The following LMO7 variants were observed in gnomAD, a reference collection of about 807,000 sequenced individuals.
LMO7 encodes LIM domain only protein 7.
A neutral mutation model predicts 206.5 loss-of-function variants in LMO7; 120 were observed. The observed-to-expected ratio is 0.58, with a 90% confidence interval of 0.50 to 0.68. LMO7 has a LOEUF of 0.68. Among genes scored for constraint, LMO7 ranks in the 30% least tolerant of loss-of-function variants. LMO7 has a pLI of 0.00. For missense variants in LMO7, 1,959 were observed against 1,957.9 expected (o/e 1.00, Z -0.01); for synonymous variants, 706 against 681.5 (o/e 1.04, Z -0.56).
chr13:75,819,349 A>G (rs1256793273), intron 12 of LMO7, 44 bp from the exon 13 acceptor site: 2 of 1,551,230 alleles, frequency 1.3e-6, no homozygotes, highest in Admixed American at 2.1e-5. Flanking sequence ...GAAAGGGTGT[A>G]TAGAAATTCA....
intron 2 of LMO7, among the ~76,000 whole-genome samples, chr13:75,723,002 T>A (rs577997435): frequency 2.1e-4 from 32 of 152,080 alleles, no homozygotes; most frequent in Non-Finnish European, 4.4e-4. Flanking sequence ...TACATTGGAC[T>A]TTGGGGACTC....
Position 75,858,136 on chromosome 13 carries a change from G to T in LMO7, c.*193G>T. ...CAGTATTTTTGTTGTTTATTTATAA[G>T]GTAATTGTGTGTGGGGAAAAGTGCA... is the stretch of plus-strand genomic sequence containing the variant. On this transcript the variant is annotated 3_prime_UTR_variant, in exon 31 of 31. Coordinates refer to ENST00000377534, the MANE Select transcript of LMO7 (RefSeq NM_001306080.2). The T allele has an allele frequency of 2.0e-6, 1 of 506,118 alleles. No homozygotes were observed. 31.4% of individuals were successfully genotyped at this position (506,118 alleles called of 1,614,324 possible).
intron 11 of LMO7, among the ~76,000 whole-genome samples, chr13:75,815,440 T>G (rs963772264): frequency 1.3e-5 from 2 of 152,110 alleles, no homozygotes; most frequent in African/African-American, 4.8e-5. Context: ...TTGTGAAGGA[T>G]AGAGGTGACC....
At chr13:75,648,730 A>T (rs779923117) in intron 1 of LMO7, among the ~76,000 whole-genome samples, 7 of 152,218 alleles carry the variant, frequency 4.6e-5, no homozygotes, top group Admixed American at 6.5e-5. Context: ...GTGGTGAGGA[A>T]GGGAACAATA....
intron 15 of LMO7, among the ~76,000 whole-genome samples, chr13:75,826,280 G>A (rs958612552): frequency 1.3e-5 from 2 of 151,994 alleles, no homozygotes; most frequent in African/African-American, 2.4e-5. Context: ...GGGCTCAAAC[G>A]ATCCATCCAT....
chr13:75,857,892 TTTTC>T, intron 30 of LMO7, 25 bp from the exon 31 acceptor site: 1 of 1,551,070 alleles, frequency 6.4e-7, no homozygotes. Flanking sequence ...ATCTAAGCAC[TTTTC>T]TTTCTTTTCT....
intron 1 of LMO7, among the ~76,000 whole-genome samples, chr13:75,647,969 T>TTTTTTG (rs2037201174): frequency 1.3e-5 from 2 of 148,670 alleles, no homozygotes; most frequent in Non-Finnish European, 3.0e-5. Context: ...TTTTTTTTTT[T>TTTTTTG]GAGACAGGGT....
chr13:75,766,921 G>A (rs1037394709), intron 4 of LMO7, among the ~76,000 whole-genome samples: 1 of 152,008 alleles, frequency 6.6e-6, no homozygotes, highest in Non-Finnish European at 1.5e-5. Context: ...CTTAATCTTT[G>A]CCAACTCATC....
At chr13:75,857,351 A>T (rs2061043751) in intron 30 of LMO7, 2 of 152,238 alleles carry the variant, frequency 1.3e-5, no homozygotes, top group African/African-American at 4.8e-5. Flanking sequence ...AGGGTGTTAC[A>T]AGTGGTATCA....
At chr13:75,784,087 T>C (rs1026405381) in intron 4 of LMO7, among the ~76,000 whole-genome samples, 1 of 152,130 alleles carries the variant, frequency 6.6e-6, no homozygotes, top group Admixed American at 6.6e-5. Flanking sequence ...CTGATTTTCA[T>C]GCCTGGGGCC....
At chr13:75,733,340 C>G (rs937674157) in intron 3 of LMO7, among the ~76,000 whole-genome samples, 1 of 152,236 alleles carries the variant, frequency 6.6e-6, no homozygotes, top group Admixed American at 6.5e-5. Flanking sequence ...GCGGGCGCCC[C>G]TCCCCCAGCC....
At chr13:75,721,479 A>T (rs2044014326) in intron 2 of LMO7, among the ~76,000 whole-genome samples, 1 of 152,222 alleles carries the variant, frequency 6.6e-6, no homozygotes, top group Non-Finnish European at 1.5e-5. Flanking sequence ...TTTAGTACAC[A>T]TTAAAATGCT....
chr13:75,841,416 T>C (rs1229082127), intron 23 of LMO7, among the ~76,000 whole-genome samples: 1 of 152,196 alleles, frequency 6.6e-6, no homozygotes, highest in Non-Finnish European at 1.5e-5. Context: ...ACAAATTATG[T>C]TAATAGAACT....
chr13:75,699,718 A>G (rs1190531173), intron 1 of LMO7, among the ~76,000 whole-genome samples: 4 of 152,244 alleles, frequency 2.6e-5, no homozygotes, highest in Non-Finnish European at 5.9e-5. Flanking sequence ...TCACAAGGCC[A>G]GGGTGAAATT....
intron 27 of LMO7, among the ~76,000 whole-genome samples, chr13:75,850,540 C>T (rs2060410988): frequency 6.6e-6 from 1 of 152,182 alleles, no homozygotes; most frequent in Admixed American, 6.5e-5. Context: ...CAGTGGCATA[C>T]TGATCAGACA....
rs562365474 is a variant in LMO7 at position 75,840,722 on chromosome 13, A to G, written c.3582+227A>G. 2.0e-5 allele frequency among the ~76,000 whole-genome samples: 3 copies of G among 152,280 alleles called. No individual in the cohort carries two copies. In the East Asian group the frequency reaches 5.8e-4, roughly 29 times the overall value. On this transcript the variant is annotated intron_variant, in intron 22 of 30. Transcript: ENST00000377534. ...TATTAACCCCCATGTGTGTTTTTGT[A>G]GAGTATGAAGGGCACTCACTTAGGG...
chr13:75,663,489 G>GGT (rs1376614368), intron 1 of LMO7, among the ~76,000 whole-genome samples: 1 of 142,698 alleles, frequency 7.0e-6, no homozygotes, highest in African/African-American at 2.6e-5. Context: ...GGAGTGCAGT[G>GGT]GTGCGATGTC....
intron 2 of LMO7, among the ~76,000 whole-genome samples, chr13:75,626,595 A>ATATATATTTTTTTTTTTTTTTTTTTTTT: frequency 5.6e-5 from 4 of 71,094 alleles, no homozygotes; most frequent in Admixed American, 1.5e-4. Flanking sequence ...ATATATATAA[A>ATATATATTTTTTTTTTTTTTTTTTTTTT]TTTTTTTGAG....
intron 1 of LMO7, among the ~76,000 whole-genome samples, chr13:75,667,765 G>C (rs1479859383): frequency 1.3e-5 from 2 of 152,168 alleles, no homozygotes; most frequent in Non-Finnish European, 2.9e-5. Context: ...AGTCTCTCTT[G>C]ATTGTCTTTT....
Sources: gnomAD v4.1 joint callset for allele counts (sites outside exome capture counted in the v4.1 genomes callset) on GRCh38, gnomAD v4.1.1 for gene constraint, MANE v1.5 for transcripts, NCBI Gene and HGNC (gene_info 2026-07-23, HGNC 2026-07-21) for gene names.